The following HES4 variants were observed in gnomAD, a reference collection of about 807,000 sequenced individuals.
HES4 encodes the protein hes family bHLH transcription factor 4, also known as transcription factor HES-4.
A neutral mutation model predicts 10.7 loss-of-function variants in HES4; 17 were observed. The observed-to-expected ratio is 1.59, with a 90% CI of 1.09 to 2.38. The LOEUF is 2.38. Among genes scored for constraint, HES4 ranks in the 30% most tolerant of loss-of-function variants. The pLI is 0.00. For synonymous variants in HES4, 189 were observed against 159.7 expected, an observed-to-expected ratio of 1.18 and a Z score of -1.38; for missense variants, 389 against 332.1, an observed-to-expected ratio of 1.17 and a Z score of -1.33.
Position 999,235 on chromosome 1 carries a change from G to A in HES4, c.490C>T (p.Pro164Ser). Residue 164 changes from proline (P) to serine (S), a missense_variant, in exon 4 of 4, where the codon CCC becomes TCC. Transcript: ENST00000304952. ...RRPASLSPAAPAEAPAPEVYA... is the reference protein window; with the variant it reads ...RRPASLSPAASAEAPAPEVYA... ...ACCTCGGGCGCTGGGGCCTCTGCGGGGGCAGCCGGGGACAGCGAGGCCGGG... is the reference window on the plus strand; with the variant it reads ...ACCTCGGGCGCTGGGGCCTCTGCGGAGGCAGCCGGGGACAGCGAGGCCGGG... 1.5e-6 allele frequency: 2 copies of A among 1,343,928 alleles called. No individual in the cohort carries two copies. Among genetic ancestry groups the A allele is most frequent in the Non-Finnish European group, 1.9e-6 (2 of 1,054,342 alleles). 83.3% of individuals were successfully genotyped at this position (1,343,928 alleles called of 1,614,324 possible). A position where few individuals can be genotyped will look rare whatever the true frequency, so the allele number is the denominator to read the frequency against.
At chr1:999,463 T>G (rs1411429502) in intron 3 of HES4, 31 bp from the exon 4 acceptor site, 2 of 1,556,308 alleles carry the variant, frequency 1.3e-6, no homozygotes, top group Non-Finnish European at 1.7e-6. Context: ...GAGAGGTCGG[T>G]GCCGGGTCCC....
In HES4 at chr1:999,234, G is replaced by A; in HGVS notation, c.491C>T (p.Pro164Leu). ...RRPASLSPAA[P>L]AEAPAPEVYA... ...GACCTCGGGCGCTGGGGCCTCTGCG[G>A]GGGCAGCCGGGGACAGCGAGGCCGG... Residue 164 changes from proline to leucine, a missense_variant, in exon 4 of 4, where the codon CCC becomes CTC. Transcript: ENST00000304952. The A allele has an allele frequency of 7.5e-7, 1 of 1,340,590 alleles. No homozygotes were observed. The highest frequency in any genetic ancestry group is 9.5e-7 in the Non-Finnish European group (1 of 1,052,670). The allele number at this position is 1,340,590 out of a possible 1,614,324, so 83.0% of individuals were successfully genotyped here.
In HES4 at chr1:999,861, C is replaced by G; in HGVS notation, c.108+5G>C. 1 of 1,569,012 alleles carries G rather than the reference C, an allele frequency of 6.4e-7. No homozygotes were observed. The highest frequency in any genetic ancestry group is 8.6e-7 in the Non-Finnish European group (1 of 1,160,324). On this transcript the variant is annotated splice_donor_5th_base_variant and intron_variant, in intron 1 of 3. Transcript: ENST00000304952. ...CGCCCCCCTCACGCCCGGCCGGGAC[C>G]CCACCTTGCGGTGCTCGGCCGCGCT...
chr1:999,394 G>A lies in HES4; in HGVS notation c.331C>T (p.Arg111Cys), dbSNP rs375384131. The A allele has an allele frequency of 2.7e-6, 4 of 1,509,154 alleles. No homozygotes were observed. The highest frequency in any genetic ancestry group is 2.5e-5 in the South Asian group (2 of 79,400). 93.5% of individuals were successfully genotyped at this position (1,509,154 alleles called of 1,614,324 possible). A position where few individuals can be genotyped will look rare whatever the true frequency, so the allele number is the denominator to read the frequency against. The stretch of plus-strand genomic sequence containing the variant: ...GCCAGACACTCGTGGAAGCCGGCGC[G>A]GTACTTGCCCAGAACGGCGGGGTCG... ...SADPAVLGKYRAGFHECLAEV... is the reference protein window; with the variant it reads ...SADPAVLGKYCAGFHECLAEV... Residue 111 changes from arginine to cysteine, a missense_variant, in exon 4 of 4, where the codon CGC becomes TGC. Arg to Cys is a radical substitution (Grantham distance 180). Transcript: ENST00000304952.
chr1:999,258 G>C lies in HES4; in HGVS notation c.467C>G (p.Pro156Arg). Residue 156 changes from proline (P) to arginine (R), a missense_variant, in exon 4 of 4, where the codon CCG becomes CGG. Transcript: ENST00000304952. ...GGGGGCAGCCGGGGACAGCGAGGCC[G>C]GGCGGCGGGAGGGTCCCAGCTGGCG... ...CLRQLGPSRR[P>R]ASLSPAAPAE... 1 of 1,402,766 alleles carries C rather than the reference G, an allele frequency of 7.1e-7. No homozygotes were observed. The highest frequency in any genetic ancestry group is 9.2e-7 in the Non-Finnish European group (1 of 1,082,846). 86.9% of individuals were successfully genotyped at this position (1,402,766 alleles called of 1,614,324 possible).
Position 1,000,088 on chromosome 1 carries a change from C to T in HES4, c.-115G>A, listed in dbSNP as rs1025255056. On this transcript the variant is annotated 5_prime_UTR_variant, in exon 1 of 4. Coordinates refer to ENST00000304952, the MANE Select transcript of HES4 (RefSeq NM_021170.4). The stretch of plus-strand genomic sequence containing the variant: ...CGAGCCCCTAGGGCGGATCCCGGCT[C>T]CAGGCCCGCGCGCGCCTCAGGCCGT... 1.1e-6 allele frequency: 1 copy of T among 874,210 alleles called. No individual in the cohort carries two copies. Among genetic ancestry groups the T allele is most frequent in the Non-Finnish European group, 1.5e-6 (1 of 689,170 alleles). The allele number at this position is 874,210 out of a possible 1,614,324, so 54.2% of individuals were successfully genotyped here.
At position 999,171 on chromosome 1, in the gene HES4, G is replaced by A; in HGVS notation, c.554C>T (p.Pro185Leu). 1 of 1,252,984 alleles carries A rather than the reference G, an allele frequency of 8.0e-7. No homozygotes were observed. Among genetic ancestry groups the A allele is most frequent in the South Asian group, 3.2e-5 (1 of 31,570 alleles). 77.6% of individuals were successfully genotyped at this position (1,252,984 alleles called of 1,614,324 possible). A position where few individuals can be genotyped will look rare whatever the true frequency, so the allele number is the denominator to read the frequency against. Residue 185 changes from proline to leucine, a missense_variant, in exon 4 of 4, where the codon CCC (proline) becomes CTC (leucine). Transcript: ENST00000304952. ...GRPLLPSLGG[P>L]FPLLAPPLLP... ...CAGCGGCGGCGCGAGCAGAGGGAAG[G>A]GGCCGCCGAGCGATGGCAGCAGCGG...
chr1:999,358 G>A lies in HES4; in HGVS notation c.367C>T (p.Arg123Cys). The change falls in exon 4 of 4, where the codon CGC (arginine) becomes TGC (cysteine). Residue 123 changes from arginine (R) to cysteine (C), a missense_variant. Arg to Cys is a radical substitution (Grantham distance 180, BLOSUM62 -3). Coordinates refer to ENST00000304952, the MANE Select transcript of HES4 (RefSeq NM_021170.4). ...ACGCCCTCGCAGCCGGCCAGGAAGC[G>A]GTTCACCTCCGCCAGACACTCGTGG... ...GFHECLAEVN[R>C]FLAGCEGVPA... 1 of 1,496,734 alleles carries A rather than the reference G, an allele frequency of 6.7e-7. No individual in the cohort carries two copies. The highest frequency in any genetic ancestry group is 1.3e-5 in the South Asian group (1 of 78,838). 92.7% of individuals were successfully genotyped at this position (1,496,734 alleles called of 1,614,324 possible).
In HES4 at chr1:999,595, G is replaced by C. The variant is rs746094252; in HGVS notation, c.223C>G (p.Leu75Val). The change falls in exon 3 of 4, where the codon CTG (leucine) becomes GTG (valine). Residue 75 changes from leucine to valine, a missense_variant. Coordinates refer to ENST00000304952, the MANE Select transcript of HES4 (RefSeq NM_021170.4). ...ATCTCCAGGATGTCCGCCTTCTCCA[G>C]CTTCGAGTGGCGGGAGCTCTGGGGG... ...LRKESSRHSKLEKADILEMTV... is the reference protein window; with the variant it reads ...LRKESSRHSKVEKADILEMTV... The C allele has an allele frequency of 2.5e-6, 4 of 1,609,562 alleles. No individual in the cohort carries two copies. The highest frequency in any genetic ancestry group is 2.3e-5 in the East Asian group (1 of 44,416).
chr1:999,141 G>C lies in HES4; in HGVS notation c.584C>G (p.Pro195Arg), dbSNP rs781644697. ...GGCGGGCAGCGCCCGGGTCAGACCC[G>C]GCAGCAGCGGCGGCGCGAGCAGAGG... ...PFPLLAPPLL[P>R]GLTRALPAAP... The change falls in exon 4 of 4, where the codon CCG (proline) becomes CGG (arginine). Residue 195 changes from proline to arginine, a missense_variant. By Grantham distance (103) the Pro-to-Arg change is moderately radical. Transcript: ENST00000304952. 42 of 1,230,128 alleles carry C rather than the reference G, an allele frequency of 3.4e-5. No homozygotes were observed. The highest frequency in any genetic ancestry group is 2.0e-5 in the Non-Finnish European group (20 of 988,578). The allele number at this position is 1,230,128 out of a possible 1,614,324, so 76.2% of individuals were successfully genotyped here. A position where few individuals can be genotyped will look rare whatever the true frequency, so the allele number is the denominator to read the frequency against.
chr1:999,782 G>C lies in HES4; in HGVS notation c.114C>G (p.Ser38=), dbSNP rs765395114. ...GGCGCCGCTTCTCCATGACCGGCTT[G>C]GAGGACTGCGGGTCGGGCACCGGCT... is the stretch of plus-strand genomic sequence containing the variant. ...PRSAAEHRKS[S]KPVMEKRRRA... is the part of the protein sequence containing the mutation. Residue 38 remains serine, a synonymous_variant, in exon 2 of 4, where the codon TCC becomes TCG. Transcript: ENST00000304952. 40 of 1,611,158 alleles carry C rather than the reference G, an allele frequency of 2.5e-5. No individual in the cohort carries two copies. Among genetic ancestry groups the C allele is most frequent in the Non-Finnish European group, 3.2e-5 (38 of 1,179,394 alleles).
At position 999,261 on chromosome 1, in the gene HES4, C is replaced by G; in HGVS notation, c.464G>C (p.Arg155Pro). ...ACLRQLGPSR[R>P]PASLSPAAPA... ...GGCAGCCGGGGACAGCGAGGCCGGG[C>G]GGCGGGAGGGTCCCAGCTGGCGCAG... is the stretch of plus-strand genomic sequence containing the variant. The change falls in exon 4 of 4, where the codon CGC (arginine) becomes CCC (proline). Residue 155 changes from arginine (R) to proline (P), a missense_variant. Physicochemically the swap from Arg to Pro is moderately radical, Grantham distance 103 (BLOSUM62 -2). Coordinates refer to ENST00000304952, the MANE Select transcript of HES4 (RefSeq NM_021170.4). 1 of 1,409,256 alleles carries G rather than the reference C, an allele frequency of 7.1e-7. No individual in the cohort carries two copies. The highest frequency in any genetic ancestry group is 1.5e-5 in the South Asian group (1 of 67,186). 87.3% of individuals were successfully genotyped at this position (1,409,256 alleles called of 1,614,324 possible).
chr1:999,342 C>A lies in HES4; in HGVS notation c.383G>T (p.Cys128Phe). The A allele has an allele frequency of 6.7e-7, 1 of 1,484,874 alleles. No homozygotes were observed. The highest frequency in any genetic ancestry group is 8.9e-7 in the Non-Finnish European group (1 of 1,125,846). The allele number at this position is 1,484,874 out of a possible 1,614,324, so 92.0% of individuals were successfully genotyped here. A position where few individuals can be genotyped will look rare whatever the true frequency, so the allele number is the denominator to read the frequency against. ...LAEVNRFLAG[C>F]EGVPADVRSR... Reference sequence around the variant, plus strand: ...GCGCACGTCGGCCGGGACGCCCTCGCAGCCGGCCAGGAAGCGGTTCACCTC... The same window carrying A: ...GCGCACGTCGGCCGGGACGCCCTCGAAGCCGGCCAGGAAGCGGTTCACCTC... The change falls in exon 4 of 4, where the codon TGC (cysteine) becomes TTC (phenylalanine). Residue 128 changes from cysteine to phenylalanine, a missense_variant. Transcript: ENST00000304952.
rs1212424874 is a variant in HES4 at position 999,338 on chromosome 1, C to A, written c.387G>T (p.Glu129Asp). Reference protein sequence around the residue: ...AEVNRFLAGCEGVPADVRSRL... With the variant: ...AEVNRFLAGCDGVPADVRSRL... ...GGGAGCGCACGTCGGCCGGGACGCC[C>A]TCGCAGCCGGCCAGGAAGCGGTTCA... is the stretch of plus-strand genomic sequence containing the variant. The change falls in exon 4 of 4, where the codon GAG (glutamate) becomes GAT (aspartate). Residue 129 changes from glutamate to aspartate, a missense_variant. Transcript: ENST00000304952. The A allele has an allele frequency of 6.7e-7, 1 of 1,482,914 alleles. No individual in the cohort carries two copies. Among genetic ancestry groups the A allele is most frequent in the East Asian group, 2.8e-5 (1 of 35,452 alleles). 91.9% of individuals were successfully genotyped at this position (1,482,914 alleles called of 1,614,324 possible).
In HES4 at chr1:999,800, C is replaced by G. The variant is rs779647707; in HGVS notation, c.109-13G>C. On this transcript the variant is annotated splice_polypyrimidine_tract_variant and intron_variant, in intron 1 of 3. Coordinates refer to ENST00000304952, the MANE Select transcript of HES4 (RefSeq NM_021170.4). Reference sequence around the variant, plus strand: ...CCGGCTTGGAGGACTGCGGGTCGGGCACCGGCTGAGTCCCGCGTCCCTCCC... The same window carrying G: ...CCGGCTTGGAGGACTGCGGGTCGGGGACCGGCTGAGTCCCGCGTCCCTCCC... 58 of 1,609,302 alleles carry G rather than the reference C, an allele frequency of 3.6e-5. No homozygotes were observed. The highest frequency in any genetic ancestry group is 4.8e-5 in the Non-Finnish European group (57 of 1,178,774).
In HES4 at chr1:999,266, G is replaced by A. The variant is rs1643985409; in HGVS notation, c.459C>T (p.Ser153=). 4 of 1,419,552 alleles carry A rather than the reference G, an allele frequency of 2.8e-6. No individual in the cohort carries two copies. In the East Asian group the frequency reaches 1.2e-4, roughly 44 times the overall value. The allele number at this position is 1,419,552 out of a possible 1,614,324, so 87.9% of individuals were successfully genotyped here. Residue 153 remains serine, a synonymous_variant, in exon 4 of 4, where the codon TCC becomes TCT. Transcript: ENST00000304952. ...LAACLRQLGP[S]RRPASLSPAA... ...CCGGGGACAGCGAGGCCGGGCGGCGGGAGGGTCCCAGCTGGCGCAGGCAGG... is the reference window on the plus strand; with the variant it reads ...CCGGGGACAGCGAGGCCGGGCGGCGAGAGGGTCCCAGCTGGCGCAGGCAGG...
chr1:999,853 G>T lies in HES4; in HGVS notation c.108+13C>A. The T allele has an allele frequency of 6.3e-7, 1 of 1,577,100 alleles. No homozygotes were observed. The stretch of plus-strand genomic sequence containing the variant: ...CCCCCGGTCGCCCCCCTCACGCCCG[G>T]CCGGGACCCCACCTTGCGGTGCTCG... On this transcript the variant is annotated intron_variant, in intron 1 of 3. Transcript: ENST00000304952.
chr1:999,154 G>A lies in HES4; in HGVS notation c.571C>T (p.Pro191Ser), dbSNP rs1313075976. The A allele has an allele frequency of 2.4e-6, 3 of 1,232,220 alleles. No homozygotes were observed. The highest frequency in any genetic ancestry group is 3.0e-6 in the Non-Finnish European group (3 of 989,880). 76.3% of individuals were successfully genotyped at this position (1,232,220 alleles called of 1,614,324 possible). Reference sequence around the variant, plus strand: ...CGGGTCAGACCCGGCAGCAGCGGCGGCGCGAGCAGAGGGAAGGGGCCGCCG... The same window carrying A: ...CGGGTCAGACCCGGCAGCAGCGGCGACGCGAGCAGAGGGAAGGGGCCGCCG... ...SLGGPFPLLAPPLLPGLTRAL... is the reference protein window; with the variant it reads ...SLGGPFPLLASPLLPGLTRAL... Residue 191 changes from proline to serine, a missense_variant, in exon 4 of 4, where the codon CCG becomes TCG. Physicochemically the swap from Pro to Ser is moderately conservative, Grantham distance 74 (BLOSUM62 -1). Coordinates refer to ENST00000304952, the MANE Select transcript of HES4 (RefSeq NM_021170.4).
At position 999,237 on chromosome 1, in the gene HES4, G is replaced by GCAGCCGGGGA; in HGVS notation, c.478_487dup (p.Ala163ValfsTer68). 7.4e-7 allele frequency: 1 copy of GCAGCCGGGGA among 1,345,252 alleles called. No homozygotes were observed. The highest frequency in any genetic ancestry group is 9.5e-7 in the Non-Finnish European group (1 of 1,055,030). The allele number at this position is 1,345,252 out of a possible 1,614,324, so 83.3% of individuals were successfully genotyped here. ...CTCGGGCGCTGGGGCCTCTGCGGGGGCAGCCGGGGACAGCGAGGCCGGGCG... is the reference window on the plus strand; with the variant it reads ...CTCGGGCGCTGGGGCCTCTGCGGGGGCAGCCGGGGACAGCCGGGGACAGCGAGGCCGGGCG... On this transcript the variant is annotated frameshift_variant, in exon 4 of 4. Transcript: ENST00000304952. LOFTEE classifies it low-confidence loss of function (END_TRUNC).
Sources: gnomAD v4.1 joint callset for allele counts on GRCh38, gnomAD v4.1.1 for gene constraint, MANE v1.5 for transcripts, NCBI Gene and HGNC (gene_info 2026-07-23, HGNC 2026-07-21) for gene names.